Variants in ROR1 observed in about 807,000 individuals in gnomAD.
The protein encoded by ROR1 is inactive tyrosine-protein kinase transmembrane receptor ROR1.
ROR1 carries 19 observed loss-of-function variants against 78.8 expected under a neutral mutation model. The ratio of observed to expected loss-of-function variants is 0.24; its 90% confidence interval spans 0.17 to 0.35. The LOEUF (loss-of-function observed/expected upper bound fraction) is 0.35, where lower values mean the gene tolerates loss of function less well. ROR1 is among the 10% of genes least tolerant of loss of function. ROR1 has a pLI of 1.00. For missense variants in ROR1, 917 were observed against 1,177.8 expected (o/e 0.78, Z 3.24); for synonymous variants, 386 against 433.6 (o/e 0.89, Z 1.36).
chr1:63,858,667 G>A (rs1645162644), intron 1 of ROR1, among the ~76,000 whole-genome samples: 1 of 152,132 alleles, frequency 6.6e-6, no homozygotes, highest in Non-Finnish European at 1.5e-5. Flanking sequence ...TTGTTTAGAT[G>A]AGGGTATTTT....
intron 1 of ROR1, among the ~76,000 whole-genome samples, chr1:63,887,660 A>T (rs1260912098): frequency 6.6e-6 from 1 of 152,162 alleles, no homozygotes; most frequent in Admixed American, 6.5e-5. Flanking sequence ...ATTCACTGCA[A>T]CCTGTGTAAA....
chr1:63,981,172 G>T (rs1646207370), intron 1 of ROR1, among the ~76,000 whole-genome samples: 1 of 152,144 alleles, frequency 6.6e-6, no homozygotes, highest in African/African-American at 2.4e-5. Context: ...GTGCTTGAAG[G>T]TTGGCATCCG....
chr1:63,775,468 C>T (rs1316722742), intron 1 of ROR1: 5 of 152,156 alleles, frequency 3.3e-5, no homozygotes, highest in Non-Finnish European at 7.3e-5. Flanking sequence ...TCACTTTTAA[C>T]ATGCATCCCT....
intron 2 of ROR1, among the ~76,000 whole-genome samples, chr1:64,037,454 T>C (rs1646711570): frequency 6.6e-6 from 1 of 152,192 alleles, no homozygotes; most frequent in Admixed American, 6.5e-5. Flanking sequence ...TTGCTAACTA[T>C]GGACTTTAGT....
intron 1 of ROR1, among the ~76,000 whole-genome samples, chr1:63,830,822 T>C (rs1417143592): frequency 6.6e-6 from 1 of 152,178 alleles, no homozygotes; most frequent in African/African-American, 2.4e-5. Context: ...GCAAGTTCTT[T>C]CCACCTATGA....
intron 1 of ROR1, among the ~76,000 whole-genome samples, chr1:63,890,974 C>T (rs1026301289): frequency 6.6e-6 from 1 of 152,150 alleles, no homozygotes; most frequent in Non-Finnish European, 1.5e-5. Flanking sequence ...AATGCCATGA[C>T]TAATAGTGTT....
chr1:64,108,574 A>T (rs1318506932), intron 4 of ROR1, among the ~76,000 whole-genome samples: 2 of 152,140 alleles, frequency 1.3e-5, no homozygotes, highest in African/African-American at 4.8e-5. Context: ...ACAAGGGCAG[A>T]GCTGGCCGTG....
At chr1:63,775,514 C>G (rs1422655560) in intron 1 of ROR1, 1 of 152,174 alleles carries the variant, frequency 6.6e-6, no homozygotes, top group Admixed American at 6.5e-5. Flanking sequence ...CTGCCCTCCC[C>G]CACTCCCAGC....
At chr1:64,158,152 C>T (rs1190713683) in intron 7 of ROR1, among the ~76,000 whole-genome samples, 1 of 152,182 alleles carries the variant, frequency 6.6e-6, no homozygotes, top group African/African-American at 2.4e-5. Context: ...GTGTTCTACA[C>T]ATATTATATT....
chr1:63,784,090 A>G (rs1644670025), intron 1 of ROR1, among the ~76,000 whole-genome samples: 1 of 152,190 alleles, frequency 6.6e-6, no homozygotes, highest in African/African-American at 2.4e-5. Context: ...TCCCAGCCAA[A>G]TAGCTGAGTC....
chr1:64,049,655 C>T, intron 2 of ROR1, 36 bp from the exon 3 acceptor site: 1 of 1,590,320 alleles, frequency 6.3e-7, no homozygotes. Context: ...CTCAAGCTGT[C>T]TGCCCCTCTC....
At chr1:64,135,058 C>A (rs1165898236) in intron 4 of ROR1, among the ~76,000 whole-genome samples, 1 of 152,030 alleles carries the variant, frequency 6.6e-6, no homozygotes. Flanking sequence ...GAACCACTCC[C>A]CAGCAGATAA....
chr1:64,178,003 G>T lies in ROR1; in HGVS notation c.1962G>T (p.Leu654=), dbSNP rs773782089. 1.9e-6 allele frequency: 3 copies of T among 1,614,064 alleles called. No homozygotes were observed. The South Asian group carries it at 3.3e-5, about 18-fold the overall frequency. ...ACAGGGTCCAGAGTAAGTCCTTGCTGCCCATTCGCTGGATGCCCCCTGAAG... is the reference window on the plus strand; with the variant it reads ...ACAGGGTCCAGAGTAAGTCCTTGCTTCCCATTCGCTGGATGCCCCCTGAAG... ...DYYRVQSKSL[L]PIRWMPPEAI... Residue 654 remains leucine (L), a synonymous_variant, in exon 9 of 9, where the codon CTG becomes CTT. Transcript: ENST00000371079. The surrounding 1 kb of genome is among the most constrained non-coding windows in gnomAD (Gnocchi z 4.3).
chr1:64,115,028 G>A (rs1207371403), intron 4 of ROR1, among the ~76,000 whole-genome samples: 3 of 152,134 alleles, frequency 2.0e-5, no homozygotes, highest in South Asian at 2.1e-4. Flanking sequence ...GCAGTGGTGC[G>A]ATCATGGCTC....
intron 1 of ROR1, among the ~76,000 whole-genome samples, chr1:63,950,612 C>T (rs1645927479): frequency 6.6e-6 from 1 of 152,176 alleles, no homozygotes; most frequent in African/African-American, 2.4e-5. Context: ...TGCTTAACCT[C>T]CTGGGAATAC....
At chr1:64,106,367 G>A (rs906005171) in intron 4 of ROR1, 17 of 152,250 alleles carry the variant, frequency 1.1e-4, no homozygotes, top group Non-Finnish European at 2.1e-4. Context: ...GGGGTGAGAT[G>A]ATGGGGTTTT....
At chr1:64,014,754 A>ACATATGCACAC (rs1553151587) in intron 2 of ROR1, among the ~76,000 whole-genome samples, 1 of 34,538 alleles carries the variant, frequency 2.9e-5, no homozygotes, top group Non-Finnish European at 7.9e-5. Context: ...ATATATATAT[A>ACATATGCACAC]TATATATATA....
chr1:64,029,838 G>T (rs771128182), intron 2 of ROR1, among the ~76,000 whole-genome samples: 11 of 152,136 alleles, frequency 7.2e-5, no homozygotes, highest in Non-Finnish European at 1.5e-4. Flanking sequence ...TCAGTCCATT[G>T]TACCTTTCTT....
intron 1 of ROR1, among the ~76,000 whole-genome samples, chr1:63,940,938 T>G (rs1645833949): frequency 6.6e-6 from 1 of 152,202 alleles, no homozygotes; most frequent in Non-Finnish European, 1.5e-5. Flanking sequence ...TTGTGTAGTA[T>G]TCTGACCAAC....
Sources: gnomAD v4.1 joint callset for allele counts (sites outside exome capture counted in the v4.1 genomes callset) on GRCh38, gnomAD v4.1.1 for gene constraint, Gnocchi (gnomAD v3.1) non-coding constraint, MANE v1.5 for transcripts, NCBI Gene and HGNC (gene_info 2026-07-23, HGNC 2026-07-21) for gene names.